The following TMEM52B variants were observed in gnomAD, a reference collection of about 807,000 sequenced individuals.
The protein encoded by TMEM52B is chromosome 12 open reading frame 59.
Under a neutral mutation model 16.1 loss-of-function variants are expected in TMEM52B, and 11 were observed. The ratio of observed to expected loss-of-function variants is 0.68; its 90% CI spans 0.43 to 1.13. TMEM52B has a LOEUF of 1.13. Ranked by LOEUF, TMEM52B falls within the 50% of genes most tolerant of loss-of-function variation. TMEM52B has a pLI of 0.00. For missense variants in TMEM52B, 243 were observed against 230.4 expected (o/e 1.05, Z -0.35); for synonymous variants, 101 against 93.8 (o/e 1.08, Z -0.45).
Position 10,190,258 on chromosome 12 carries a change from T to C in TMEM52B, c.*118T>C. The C allele has an allele frequency of 7.9e-7, 1 of 1,272,266 alleles. No homozygotes were observed. Among genetic ancestry groups the C allele is most frequent in the South Asian group, 1.4e-5 (1 of 70,938 alleles). 78.8% of individuals were successfully genotyped at this position (1,272,266 alleles called of 1,614,324 possible). ...GATGGCATCTAACACCATCATTCTA[T>C]GGGAAAGATGGTTCTTACTCTTCGT... On this transcript the variant is annotated 3_prime_UTR_variant, in exon 5 of 5. Coordinates refer to ENST00000543484, the MANE Select transcript of TMEM52B (RefSeq NM_001384896.1).
In TMEM52B at chr12:10,187,099, GTTTTT is replaced by G. The variant is rs71049057; in HGVS notation, c.307+527_307+531del. 3.8e-3 allele frequency among the ~76,000 whole-genome samples: 312 copies of G among 82,162 alleles called. 2 individuals carry two copies. The highest frequency in any genetic ancestry group is 0.015 in the African/African-American group (303 of 20,244). 53.9% of individuals were successfully genotyped at this position (82,162 alleles called of 152,430 possible). The stretch of plus-strand genomic sequence containing the variant: ...CTGTGGTTCTATTCTTTCCATGACG[GTTTTT>G]TTTTTTTTTTTTTTTTGAGATGGAG... On this transcript the variant is annotated intron_variant, in intron 4 of 4. Transcript: ENST00000543484.
Position 10,179,412 on chromosome 12 carries a change from T to C in TMEM52B, c.-163T>C. 2 of 695,618 alleles carry C rather than the reference T, an allele frequency of 2.9e-6. No homozygotes were observed. The highest frequency in any genetic ancestry group is 5.1e-6 in the Non-Finnish European group (2 of 393,920). 43.1% of individuals were successfully genotyped at this position (695,618 alleles called of 1,614,324 possible). ...CATAGAAAATAACAGCCAGAGCGAG[T>C]AGGAGGAGACAGAGAGAACGAGAGA... is the stretch of plus-strand genomic sequence containing the variant. On this transcript the variant is annotated 5_prime_UTR_variant, in exon 1 of 5. Transcript: ENST00000543484.
rs1021557866 is a variant in TMEM52B, at chr12:10,182,123, C to T, written c.55-427C>T. ...AGACTCTCTGTCCCACTGGCCCCCT[C>T]GCTTTTCCCCTTCTTCCTTTGTATA... On this transcript the variant is annotated intron_variant, in intron 1 of 4. Coordinates refer to ENST00000543484, the MANE Select transcript of TMEM52B (RefSeq NM_001384896.1). 9 of 984,248 alleles carry T rather than the reference C, an allele frequency of 9.1e-6. No homozygotes were observed. The South Asian group carries it at 1.4e-4, about 15-fold the overall frequency. 61.0% of individuals were successfully genotyped at this position (984,248 alleles called of 1,614,324 possible). A position where few individuals can be genotyped will look rare whatever the true frequency, so the allele number is the denominator to read the frequency against.
intron 1 of TMEM52B, chr12:10,182,032 A>C (rs1452190075): frequency 1.7e-4 from 40 of 242,388 alleles, no homozygotes; most frequent in South Asian, 2.1e-4. Flanking sequence ...AAAAAAAAAA[A>C]AAAAAAAACA....
upstream of TMEM52B, among the ~76,000 whole-genome samples, chr12:10,178,077 G>A (rs1025946758): frequency 4.6e-5 from 7 of 151,278 alleles, no homozygotes; most frequent in Admixed American, 3.3e-4. Context: ...TGTATGTTTC[G>A]TAGAGAAAGG....
chr12:10,183,833 C>T (rs1051673890), intron 2 of TMEM52B, among the ~76,000 whole-genome samples: 3 of 152,114 alleles, frequency 2.0e-5, no homozygotes, highest in Non-Finnish European at 2.9e-5. Flanking sequence ...GTACTCTTTA[C>T]GGTGGGTGTG....
chr12:10,177,767 AAATAATAATAATAAT>A (rs199747831), upstream of TMEM52B, among the ~76,000 whole-genome samples: 1,700 of 118,482 alleles, frequency 0.014, 29 homozygotes, highest in Admixed American at 0.04. Flanking sequence ...ACTCTGTCTC[AAATAATAATAATAAT>A]AATAATAATA....
At chr12:10,175,789 A>G (rs967148625), upstream of TMEM52B, among the ~76,000 whole-genome samples, 4 of 152,194 alleles carry the variant, frequency 2.6e-5, no homozygotes, top group Admixed American at 2.0e-4. Flanking sequence ...CCACTGACTT[A>G]TAGTTTGAGG....
At chr12:10,185,824 C>G (rs775717425) in intron 3 of TMEM52B, among the ~76,000 whole-genome samples, 1 of 152,096 alleles carries the variant, frequency 6.6e-6, no homozygotes. Flanking sequence ...AGTGGATTAT[C>G]TGAGGTCAGG....
upstream of TMEM52B, among the ~76,000 whole-genome samples, chr12:10,176,295 G>A (rs1948764913): frequency 6.6e-6 from 1 of 151,842 alleles, no homozygotes; most frequent in South Asian, 2.1e-4. Flanking sequence ...ATCTTTCCAG[G>A]GACTAATCTG....
intron 4 of TMEM52B, among the ~76,000 whole-genome samples, chr12:10,188,352 G>A (rs539512160): frequency 2.0e-5 from 3 of 151,392 alleles, no homozygotes; most frequent in Non-Finnish European, 4.4e-5. Flanking sequence ...CCAGCTACTC[G>A]GGAGGCTGAG....
intron 4 of TMEM52B, 82 bp from the exon 5 acceptor site, chr12:10,189,814 G>A: frequency 6.5e-7 from 1 of 1,546,636 alleles, no homozygotes; most frequent in Non-Finnish European, 8.7e-7. Flanking sequence ...TGAAGCGACA[G>A]TTAAGTGTGA....
intron 4 of TMEM52B, among the ~76,000 whole-genome samples, chr12:10,187,318 T>C (rs1351811567): frequency 6.6e-6 from 1 of 152,074 alleles, no homozygotes; most frequent in Non-Finnish European, 1.5e-5. Context: ...GCCAGGCTGG[T>C]CTCAAACTCC....
intron 2 of TMEM52B, among the ~76,000 whole-genome samples, chr12:10,183,834 G>A (rs892651391): frequency 3.3e-5 from 5 of 152,044 alleles, no homozygotes; most frequent in East Asian, 1.9e-4. Context: ...TACTCTTTAC[G>A]GTGGGTGTGA....
chr12:10,188,819 C>T (rs1410764045), intron 4 of TMEM52B, among the ~76,000 whole-genome samples: 1 of 151,494 alleles, frequency 6.6e-6, no homozygotes, highest in Non-Finnish European at 1.5e-5. Flanking sequence ...GAGATCGAGA[C>T]CATCCTGGCT....
rs1383077426 is a variant in TMEM52B, at chr12:10,179,572, C to A, written c.-3C>A. 11 of 1,613,956 alleles carry A rather than the reference C, an allele frequency of 6.8e-6. No individual in the cohort carries two copies. The highest frequency in any genetic ancestry group is 9.3e-6 in the Non-Finnish European group (11 of 1,180,024). On this transcript the variant is annotated 5_prime_UTR_variant, in exon 1 of 5. Transcript: ENST00000543484. ...GATTCTGAAGAAGCAGGAATTCAGC[C>A]CGATGGGAGTCCGAGTTCATGTCGT... is the stretch of plus-strand genomic sequence containing the variant.
At chr12:10,178,608 A>C (rs759333213), upstream of TMEM52B, among the ~76,000 whole-genome samples, 1 of 151,708 alleles carries the variant, frequency 6.6e-6, no homozygotes, top group Non-Finnish European at 1.5e-5. Flanking sequence ...CCTGAGTGAC[A>C]AGACTTATTT....
intron 2 of TMEM52B, 66 bp from the exon 3 acceptor site, chr12:10,185,264 G>A (rs1238024375): frequency 9.2e-7 from 1 of 1,087,768 alleles, no homozygotes; most frequent in African/African-American, 1.5e-5. Context: ...TCATATTTCT[G>A]AGTCTGGAGT....
rs1948936443 is a variant in TMEM52B, at chr12:10,189,897, T to C, written c.309T>C (p.Ser103=). 6.2e-7 allele frequency: 1 copy of C among 1,613,680 alleles called. No individual in the cohort carries two copies. Among genetic ancestry groups the C allele is most frequent in the Non-Finnish European group, 8.5e-7 (1 of 1,180,024 alleles). Residue 103 remains serine (S), a splice_region_variant and synonymous_variant, in exon 5 of 5, where the codon TCT becomes TCC. Coordinates refer to ENST00000543484, the MANE Select transcript of TMEM52B (RefSeq NM_001384896.1). ...HDSTLQSTIT[S]LQSVFGPAAR... is the part of the protein sequence containing the mutation. Reference sequence around the variant, plus strand: ...GCTCTGTTCCTTCTTTCTTCACAGCTCTGCAGTCGGTGTTTGGCCCTGCAG... The same window carrying C: ...GCTCTGTTCCTTCTTTCTTCACAGCCCTGCAGTCGGTGTTTGGCCCTGCAG...
Sources: gnomAD v4.1 joint callset for allele counts (sites outside exome capture counted in the v4.1 genomes callset) on GRCh38, gnomAD v4.1.1 for gene constraint, MANE v1.5 for transcripts, NCBI Gene and HGNC (gene_info 2026-07-23, HGNC 2026-07-21) for gene names.